Variants in MSI2 observed in about 807,000 individuals in gnomAD.
MSI2 encodes RNA-binding protein Musashi homolog 2.
A neutral mutation model predicts 45.6 loss-of-function variants in MSI2; 17 were observed. That is an observed-to-expected ratio of 0.37 (90% confidence interval 0.26 to 0.56). MSI2 has a LOEUF of 0.56. Ranked by LOEUF, MSI2 falls within the 20% of genes least tolerant of loss-of-function variation. The probability of loss-of-function intolerance (pLI) is 0.77; values close to 1 mark genes in which losing one functional copy is unlikely to be tolerated. For missense variants in MSI2, 293 were observed against 444.2 expected, an observed-to-expected ratio of 0.66 and a Z score of 3.06; for synonymous variants, 156 against 158.2, an observed-to-expected ratio of 0.99 and a Z score of 0.11.
intron 6 of MSI2, among the ~76,000 whole-genome samples, chr17:57,517,353 C>T (rs1004026510): frequency 2.0e-5 from 3 of 152,178 alleles, no homozygotes; most frequent in Non-Finnish European, 2.9e-5. Flanking sequence ...TGCGCTGATT[C>T]GGGTGCCTGA....
chr17:57,656,122 C>T (rs1264054181), intron 11 of MSI2, among the ~76,000 whole-genome samples: 1 of 152,078 alleles, frequency 6.6e-6, no homozygotes, highest in African/African-American at 2.4e-5. Context: ...AAGGATAGTG[C>T]GGGGACCAGG....
At chr17:57,287,651 A>G (rs1326945717) in intron 5 of MSI2, among the ~76,000 whole-genome samples, 1 of 152,088 alleles carries the variant, frequency 6.6e-6, no homozygotes, top group Non-Finnish European at 1.5e-5. Flanking sequence ...TTCGGCTCCT[A>G]CGTGGGGCAT....
At chr17:57,693,649 A>T in the MSI2 span, among the ~76,000 whole-genome samples, 1 of 152,198 alleles carries the variant, frequency 6.6e-6, no homozygotes, top group African/African-American at 2.4e-5. Context: ...ATATATAGTA[A>T]GCATAGTTAC....
At chr17:57,298,065 A>G (rs1167424416) in intron 5 of MSI2, among the ~76,000 whole-genome samples, 10 of 150,468 alleles carry the variant, frequency 6.6e-5, no homozygotes, top group South Asian at 4.2e-4. Context: ...TACTTTCTCC[A>G]TAAGTCACAA....
chr17:57,486,590 G>T (rs575032919), intron 6 of MSI2, among the ~76,000 whole-genome samples: 1 of 152,148 alleles, frequency 6.6e-6, no homozygotes, highest in Admixed American at 6.5e-5. Flanking sequence ...CATCTTCCTT[G>T]TATGTGTTTG....
rs574386523 is a variant in MSI2 at position 57,675,412 on chromosome 17, G to A, written c.945+286G>A. Among the ~76,000 whole-genome samples the A allele has an allele frequency of 5.9e-5, 9 of 152,314 alleles. No homozygotes were observed. In the South Asian group the frequency reaches 6.2e-4, roughly 11 times the overall value. ...CATCCTTGAGCCACTTCGATAACCC[G>A]TCTGAATCTCATTTCCCTGGCTGCA... On this transcript the variant is annotated intron_variant, in intron 12 of 13. Transcript: ENST00000284073.
chr17:57,419,919 G>A (rs750083640), intron 6 of MSI2, among the ~76,000 whole-genome samples: 1 of 152,222 alleles, frequency 6.6e-6, no homozygotes, highest in Non-Finnish European at 1.5e-5. Flanking sequence ...ACAGTTGTCG[G>A]TGTTGGTGTC....
the MSI2 span, among the ~76,000 whole-genome samples, chr17:57,700,671 G>A: frequency 1.3e-5 from 2 of 152,192 alleles, no homozygotes; most frequent in African/African-American, 4.8e-5. Flanking sequence ...GGGAGGCCAA[G>A]GCAGGCAGAT....
chr17:57,652,616 C>T lies in MSI2; in HGVS notation c.790+455C>T, dbSNP rs1308483452. Among the ~76,000 whole-genome samples, 1 of 152,188 alleles carries T rather than the reference C, an allele frequency of 6.6e-6. No homozygotes were observed. The highest frequency in any genetic ancestry group is 1.5e-5 in the Non-Finnish European group (1 of 68,030). On this transcript the variant is annotated intron_variant, in intron 11 of 13. Transcript: ENST00000284073. This position sits in a 1 kb window ranked among gnomAD's most constrained non-coding sequence, Gnocchi z 4.1. Reference sequence around the variant, plus strand: ...AGGTGGGCTTGCTGGTCTGGCTAAACCCCCAGAGCCCCTGAAAGCAGCCAT... The same window carrying T: ...AGGTGGGCTTGCTGGTCTGGCTAAATCCCCAGAGCCCCTGAAAGCAGCCAT...
intron 6 of MSI2, among the ~76,000 whole-genome samples, chr17:57,431,754 G>A (rs1567819498): frequency 6.6e-6 from 1 of 152,202 alleles, no homozygotes; most frequent in Non-Finnish European, 1.5e-5. Flanking sequence ...GCCCCATCAG[G>A]GTGGGCCTCA....
intron 5 of MSI2, among the ~76,000 whole-genome samples, chr17:57,390,865 G>T (rs763545343): frequency 9.9e-5 from 15 of 152,154 alleles, no homozygotes; most frequent in Non-Finnish European, 2.1e-4. Context: ...AGGGTCTGTA[G>T]TCTCGGCCAT....
At chr17:57,291,830 G>A (rs1910445102) in intron 5 of MSI2, among the ~76,000 whole-genome samples, 1 of 152,088 alleles carries the variant, frequency 6.6e-6, no homozygotes, top group South Asian at 2.1e-4. Flanking sequence ...AGCTGGAACT[G>A]AAGACCCCAC....
At chr17:57,275,986 G>C (rs1019131376) in intron 5 of MSI2, among the ~76,000 whole-genome samples, 6 of 152,112 alleles carry the variant, frequency 3.9e-5, no homozygotes, top group Admixed American at 2.0e-4. Flanking sequence ...ATTATCCTTG[G>C]AGAGAAAGAG....
chr17:57,527,471 G>GGA (rs1555618934), intron 6 of MSI2, among the ~76,000 whole-genome samples: 5 of 151,904 alleles, frequency 3.3e-5, no homozygotes, highest in African/African-American at 4.8e-5. Context: ...CGTCGGCGGG[G>GGA]GCTCTTGAAG....
intron 6 of MSI2, among the ~76,000 whole-genome samples, chr17:57,439,429 G>C (rs547267127): frequency 6.6e-6 from 1 of 152,296 alleles, no homozygotes; most frequent in Non-Finnish European, 1.5e-5. Flanking sequence ...AGATATTTGC[G>C]GGCAGAGAGT....
At chr17:57,412,357 A>G (rs1891932966) in intron 6 of MSI2, among the ~76,000 whole-genome samples, 1 of 152,148 alleles carries the variant, frequency 6.6e-6, no homozygotes. Context: ...AAAATATTTT[A>G]TATTAGAACA....
At chr17:57,609,676 A>G (rs754831788) in intron 8 of MSI2, among the ~76,000 whole-genome samples, 19 of 152,366 alleles carry the variant, frequency 1.2e-4, no homozygotes, top group Admixed American at 7.2e-4. Flanking sequence ...TCAGACTGCC[A>G]GCCACCATCC....
intron 7 of MSI2, among the ~76,000 whole-genome samples, chr17:57,554,787 G>C (rs2087392479): frequency 6.6e-6 from 1 of 152,256 alleles, no homozygotes; most frequent in Non-Finnish European, 1.5e-5. Context: ...GCCAATGACA[G>C]AGCTAGGGTC....
chr17:57,429,248 T>C (rs1292956068), intron 6 of MSI2, among the ~76,000 whole-genome samples: 1 of 152,180 alleles, frequency 6.6e-6, no homozygotes, highest in Non-Finnish European at 1.5e-5. Context: ...TAGGCACTAT[T>C]GCTCTAAGGT....
Sources: allele counts gnomAD v4.1 joint callset (sites outside exome capture counted in the v4.1 genomes callset), GRCh38; gene constraint gnomAD v4.1.1; non-coding constraint Gnocchi (gnomAD v3.1); transcripts MANE v1.5; gene names NCBI Gene and HGNC (gene_info 2026-07-23, HGNC 2026-07-21).